Variants in KCNB2 observed in about 807,000 individuals in gnomAD.
KCNB2 encodes delayed rectifier potassium channel protein.
In KCNB2, 15 loss-of-function variants were observed where a neutral mutation model predicts 61.5. The observed-to-expected ratio is 0.24, with a 90% CI of 0.16 to 0.38. The LOEUF (loss-of-function observed/expected upper bound fraction) is 0.38, where lower values mean the gene tolerates loss of function less well. Among genes scored for constraint, KCNB2 ranks in the 10% least tolerant of loss-of-function variants. The pLI is 1.00. For missense variants in KCNB2, 828 were observed against 1,125.2 expected (o/e 0.74, Z 3.78); for synonymous variants, 457 against 446.0 (o/e 1.02, Z -0.31).
chr8:72,554,713 A>G (rs1160387155), intron 1 of KCNB2, among the ~76,000 whole-genome samples: 3 of 152,132 alleles, frequency 2.0e-5, no homozygotes, highest in Non-Finnish European at 2.9e-5. Flanking sequence ...CAACATTTAA[A>G]AAATATTCTT....
chr8:72,887,215 T>C (rs1484222972), intron 2 of KCNB2, among the ~76,000 whole-genome samples: 4 of 152,228 alleles, frequency 2.6e-5, no homozygotes, highest in African/African-American at 9.6e-5. Flanking sequence ...CAGAATGGCC[T>C]ATTTGTCTAA....
intron 2 of KCNB2, among the ~76,000 whole-genome samples, chr8:72,763,002 C>A (rs149149292): frequency 4.1e-5 from 6 of 146,746 alleles, no homozygotes; most frequent in African/African-American, 7.5e-5. Context: ...CAGAAAAATC[C>A]TTTCTTTGAA....
chr8:72,578,532 C>CA (rs916947102), intron 2 of KCNB2, among the ~76,000 whole-genome samples: 15 of 151,420 alleles, frequency 9.9e-5, no homozygotes, highest in South Asian at 4.2e-4. Context: ...AAATTCAAAG[C>CA]AAAAAAAATC....
intron 2 of KCNB2, among the ~76,000 whole-genome samples, chr8:72,599,729 A>T (rs1427356475): frequency 6.6e-6 from 1 of 152,136 alleles, no homozygotes; most frequent in Non-Finnish European, 1.5e-5. Flanking sequence ...GAATCTACAA[A>T]GAACTCAAAC....
chr8:72,711,965 C>G (rs1807333743), intron 2 of KCNB2, among the ~76,000 whole-genome samples: 1 of 152,164 alleles, frequency 6.6e-6, no homozygotes, highest in Admixed American at 6.5e-5. Flanking sequence ...GCACTCTAGC[C>G]TGGGCGACAT....
chr8:72,538,664 A>G (rs1806149274), intron 1 of KCNB2, among the ~76,000 whole-genome samples: 1 of 152,202 alleles, frequency 6.6e-6, no homozygotes, highest in Non-Finnish European at 1.5e-5. Context: ...GTATGCACAT[A>G]CACTGGGTTA....
chr8:72,908,927 C>A (rs1806228301), intron 2 of KCNB2, among the ~76,000 whole-genome samples: 1 of 152,184 alleles, frequency 6.6e-6, no homozygotes, highest in East Asian at 1.9e-4. Context: ...ACACATGTGG[C>A]CATACAGCAG....
chr8:72,764,964 A>C (rs1245735737), intron 2 of KCNB2, among the ~76,000 whole-genome samples: 1 of 152,184 alleles, frequency 6.6e-6, no homozygotes, highest in Non-Finnish European at 1.5e-5. Flanking sequence ...ACTGGCTATG[A>C]CAAATATTCT....
intron 1 of KCNB2, among the ~76,000 whole-genome samples, chr8:72,561,762 G>GTATAT (rs1563523556): frequency 8.1e-4 from 12 of 14,754 alleles, no homozygotes; most frequent in Non-Finnish European, 1.1e-3. Context: ...TATATATATG[G>GTATAT]ATATATATAT....
intron 2 of KCNB2, among the ~76,000 whole-genome samples, chr8:72,582,552 C>T (rs1048354477): frequency 6.6e-6 from 1 of 152,260 alleles, no homozygotes; most frequent in Admixed American, 6.5e-5. Context: ...CAAGATAGAC[C>T]TCCAAGATAA....
At position 72,700,461 on chromosome 8, in the gene KCNB2, C is replaced by T. The variant is rs141225973; in HGVS notation, c.579+132148C>T. 2.1e-3 allele frequency among the ~76,000 whole-genome samples: 321 copies of T among 151,996 alleles called. 3 individuals are homozygous for T. The highest frequency in any genetic ancestry group is 7.2e-3 in the African/African-American group (299 of 41,472). ...AGTGGCCAATAAACATATGAAAAAA[C>T]GTTCAACATCACTAATCAGAGAAGA... On this transcript the variant is annotated intron_variant, in intron 2 of 2. Coordinates refer to ENST00000523207, the MANE Select transcript of KCNB2 (RefSeq NM_004770.3).
rs1279609411 is a variant in KCNB2, at chr8:72,932,682, A to C, written c.580-3253A>C. 2.0e-5 allele frequency among the ~76,000 whole-genome samples: 3 copies of C among 152,278 alleles called. No individual in the cohort carries two copies. The East Asian group carries it at 5.8e-4, about 29-fold the overall frequency. Reference sequence around the variant, plus strand: ...TTTTCAGCTTTTAGTATATAAGTTAACCACTCAGTCAGTGCTGAAACAATG... The same window carrying C: ...TTTTCAGCTTTTAGTATATAAGTTACCCACTCAGTCAGTGCTGAAACAATG... On this transcript the variant is annotated intron_variant, in intron 2 of 2. Transcript: ENST00000523207.
intron 2 of KCNB2, among the ~76,000 whole-genome samples, chr8:72,572,695 T>C (rs1334686548): frequency 6.6e-6 from 1 of 152,144 alleles, no homozygotes; most frequent in Non-Finnish European, 1.5e-5. Context: ...TAGAGAAAGA[T>C]TTCAACACTT....
intron 2 of KCNB2, among the ~76,000 whole-genome samples, chr8:72,623,981 G>A (rs1380039710): frequency 6.6e-6 from 1 of 152,026 alleles, no homozygotes; most frequent in East Asian, 1.9e-4. Context: ...TTCCTGATCG[G>A]TGCATAAGCA....
chr8:72,832,178 G>A (rs978621890), intron 2 of KCNB2, among the ~76,000 whole-genome samples: 1 of 152,210 alleles, frequency 6.6e-6, no homozygotes, highest in Non-Finnish European at 1.5e-5. Flanking sequence ...CAGGGAAAAG[G>A]TGTACATGTG....
At chr8:72,600,796 A>G (rs1805336455) in intron 2 of KCNB2, among the ~76,000 whole-genome samples, 1 of 152,066 alleles carries the variant, frequency 6.6e-6, no homozygotes, top group Non-Finnish European at 1.5e-5. Context: ...ATGAGAACAC[A>G]TGGATGCATA....
At chr8:72,591,401 T>C (rs1329237559) in intron 2 of KCNB2, among the ~76,000 whole-genome samples, 1 of 152,154 alleles carries the variant, frequency 6.6e-6, no homozygotes, top group Non-Finnish European at 1.5e-5. Context: ...ACCTTAATAG[T>C]CTGGGACTGA....
chr8:72,601,848 A>C (rs1412031434), intron 2 of KCNB2, among the ~76,000 whole-genome samples: 1 of 152,228 alleles, frequency 6.6e-6, no homozygotes, highest in East Asian at 1.9e-4. Flanking sequence ...GCAGTATTTC[A>C]ACAAGCCTAA....
At chr8:72,787,620 A>G (rs1329847593) in intron 2 of KCNB2, among the ~76,000 whole-genome samples, 1 of 152,146 alleles carries the variant, frequency 6.6e-6, no homozygotes, top group Non-Finnish European at 1.5e-5. Context: ...TTCACTTTGA[A>G]GGAATTACAA....
Sources: allele counts gnomAD v4.1 joint callset (sites outside exome capture counted in the v4.1 genomes callset), GRCh38; gene constraint gnomAD v4.1.1; transcripts MANE v1.5; gene names NCBI Gene and HGNC (gene_info 2026-07-23, HGNC 2026-07-21).